The following TRERF1 variants were observed in gnomAD, a reference collection of about 807,000 sequenced individuals.
The protein encoded by TRERF1 is transcriptional-regulating factor 1.
Under a neutral mutation model 122.9 loss-of-function variants are expected in TRERF1, and 27 were observed. The observed-to-expected ratio is 0.22, with a 90% confidence interval of 0.16 to 0.30. TRERF1 has a LOEUF of 0.30. TRERF1 is among the 10% of genes least tolerant of loss of function. The pLI is 1.00. For synonymous variants in TRERF1, 636 were observed against 641.7 expected, an observed-to-expected ratio of 0.99 and a Z score of 0.13; for missense variants, 1,248 against 1,560.3, an observed-to-expected ratio of 0.80 and a Z score of 3.37.
intron 16 of TRERF1, among the ~76,000 whole-genome samples, chr6:42,234,102 C>T (rs967321911): frequency 5.9e-5 from 9 of 152,168 alleles, no homozygotes; most frequent in Admixed American, 3.9e-4. Context: ...GCAGCACCTC[C>T]GCATTTATGA....
At chr6:42,315,812 G>T (rs1312304955) in intron 3 of TRERF1, among the ~76,000 whole-genome samples, 2 of 151,598 alleles carry the variant, frequency 1.3e-5, no homozygotes, top group African/African-American at 2.4e-5. Flanking sequence ...TGGGACCAGT[G>T]TGCAGACAGC....
chr6:42,250,817 C>T (rs1438199930), intron 13 of TRERF1, among the ~76,000 whole-genome samples: 1 of 152,044 alleles, frequency 6.6e-6, no homozygotes, highest in East Asian at 1.9e-4. Context: ...TTTTGACCTT[C>T]GGTTGCTGGG....
intron 16 of TRERF1, 61 bp downstream of exon 16, chr6:42,236,144 C>T: frequency 3.3e-6 from 5 of 1,507,002 alleles, no homozygotes; most frequent in Non-Finnish European, 4.4e-6. Flanking sequence ...TCTCTTAAAG[C>T]CAGGCACAGC....
rs1447106851 is a variant in TRERF1 at position 42,263,111 on chromosome 6, G to C, written c.1884+209C>G. On this transcript the variant is annotated intron_variant, in intron 8 of 17. Coordinates refer to ENST00000372922, the Ensembl canonical transcript of TRERF1. The surrounding 1 kb of genome is among the most constrained non-coding windows in gnomAD (Gnocchi z 5.6). ...AATGGGGAGCAGGCAGTGTGAACAA[G>C]GGTAGGGTTCCCAATGTGGCCACGG... The C allele has an allele frequency of 7.8e-7, 1 of 1,279,482 alleles. No individual in the cohort carries two copies. Among genetic ancestry groups the C allele is most frequent in the Non-Finnish European group, 9.9e-7 (1 of 1,007,030 alleles). 79.3% of individuals were successfully genotyped at this position (1,279,482 alleles called of 1,614,324 possible).
chr6:42,373,328 T>C (rs1029244092), intron 2 of TRERF1, among the ~76,000 whole-genome samples: 1 of 149,148 alleles, frequency 6.7e-6, no homozygotes, highest in African/African-American at 2.5e-5. Flanking sequence ...AGGTGGGGAG[T>C]TCAAGACCAG....
chr6:42,267,607 G>A (rs552869075), intron 5 of TRERF1, among the ~76,000 whole-genome samples: 5 of 152,164 alleles, frequency 3.3e-5, no homozygotes, highest in Non-Finnish European at 5.9e-5. Context: ...ACTCCAGCCT[G>A]GGCTACAGGG....
chr6:42,330,504 TG>T (rs1390444932), intron 3 of TRERF1, among the ~76,000 whole-genome samples: 1 of 152,206 alleles, frequency 6.6e-6, no homozygotes, highest in Non-Finnish European at 1.5e-5. Flanking sequence ...TTATTGCTAA[TG>T]GGAATGCAAA....
At chr6:42,420,066 C>T (rs185434279) in intron 2 of TRERF1, among the ~76,000 whole-genome samples, 5 of 152,284 alleles carry the variant, frequency 3.3e-5, no homozygotes, top group Non-Finnish European at 5.9e-5. Context: ...CAACCTCTAG[C>T]GCCCTCTTTC....
chr6:42,229,720 C>T (rs1449388523), intron 17 of TRERF1, among the ~76,000 whole-genome samples: 1 of 152,180 alleles, frequency 6.6e-6, no homozygotes, highest in Non-Finnish European at 1.5e-5. Context: ...ACTCCCTCTT[C>T]GCCAAGCAAG....
chr6:42,451,040 A>C (rs929251137), intron 2 of TRERF1, 137 bp downstream of exon 2: 1 of 152,048 alleles, frequency 6.6e-6, no homozygotes, highest in Admixed American at 6.5e-5. Flanking sequence ...CTGCTTGCAT[A>C]GTGAAAGTAA....
chr6:42,260,005 C>T (rs1777538716), intron 8 of TRERF1, among the ~76,000 whole-genome samples: 1 of 152,060 alleles, frequency 6.6e-6, no homozygotes, highest in African/African-American at 2.4e-5. Context: ...AATTCAAATT[C>T]TTTATTGCTT....
chr6:42,267,192 G>A (rs886197132), intron 5 of TRERF1, among the ~76,000 whole-genome samples: 1 of 151,966 alleles, frequency 6.6e-6, no homozygotes, highest in African/African-American at 2.4e-5. Flanking sequence ...AAGTGCTCAG[G>A]CCCAGGTGGC....
chr6:42,251,852 C>G (rs75723201), intron 13 of TRERF1, among the ~76,000 whole-genome samples: 3,483 of 152,284 alleles, frequency 0.023, 140 homozygotes, highest in African/African-American at 0.077. Flanking sequence ...TAAGTAGTCT[C>G]AGCTGAACAC....
At chr6:42,287,557 C>T (rs565301046) in intron 4 of TRERF1, among the ~76,000 whole-genome samples, 66 of 152,292 alleles carry the variant, frequency 4.3e-4, no homozygotes, top group African/African-American at 1.6e-3. Flanking sequence ...CTCTCCACCT[C>T]CTCCCGCCAA....
At chr6:42,312,107 G>A (rs1394806377) in intron 3 of TRERF1, among the ~76,000 whole-genome samples, 1 of 152,132 alleles carries the variant, frequency 6.6e-6, no homozygotes, top group African/African-American at 2.4e-5. Context: ...GTTTTAAGCT[G>A]GGTACTGTGT....
rs377143248 is a variant in TRERF1, at chr6:42,261,029, C to T, written c.1885-1306G>A. ...AGGTTCCTAACTACCCCCGCCCCCA[C>T]CCCTCCCCTATCCCCGCGCCTCACC... is the stretch of plus-strand genomic sequence containing the variant. On this transcript the variant is annotated intron_variant, in intron 8 of 17. Coordinates refer to ENST00000372922, the Ensembl canonical transcript of TRERF1. Among the ~76,000 whole-genome samples the T allele has an allele frequency of 1.4e-4, 22 of 152,124 alleles. No homozygotes were observed. In the East Asian group the frequency reaches 1.7e-3, roughly 12 times the overall value.
At chr6:42,372,864 G>A (rs1774021862) in intron 2 of TRERF1, among the ~76,000 whole-genome samples, 3 of 152,198 alleles carry the variant, frequency 2.0e-5, no homozygotes, top group Non-Finnish European at 4.4e-5. Flanking sequence ...GCCCCACTAC[G>A]GAGGAATGAG....
intron 3 of TRERF1, among the ~76,000 whole-genome samples, chr6:42,349,610 C>T (rs1043797800): frequency 6.6e-6 from 1 of 152,042 alleles, no homozygotes; most frequent in African/African-American, 2.4e-5. Context: ...AGAAGAAAGA[C>T]AATCATAAGC....
At chr6:42,368,976 G>A (rs373970393) in intron 2 of TRERF1, among the ~76,000 whole-genome samples, 20 of 152,152 alleles carry the variant, frequency 1.3e-4, no homozygotes, top group African/African-American at 4.8e-4. Flanking sequence ...CCGAATCCAG[G>A]GGTTCCCAAT....
Sources: gnomAD v4.1 joint callset for allele counts (sites outside exome capture counted in the v4.1 genomes callset) on GRCh38, gnomAD v4.1.1 for gene constraint, Gnocchi (gnomAD v3.1) non-coding constraint, MANE v1.5 for transcripts, NCBI Gene and HGNC (gene_info 2026-07-23, HGNC 2026-07-21) for gene names.